The following ASIC2 variants were observed in gnomAD, a reference collection of about 807,000 sequenced individuals.
The protein encoded by ASIC2 is acid-sensing ion channel 2.
Under a neutral mutation model 57.3 loss-of-function variants are expected in ASIC2, and 25 were observed. The ratio of observed to expected loss-of-function variants is 0.44; its 90% CI spans 0.32 to 0.61. ASIC2 has a LOEUF of 0.61. Among genes scored for constraint, ASIC2 ranks in the 20% least tolerant of loss-of-function variants. ASIC2 has a pLI of 0.06. For missense variants in ASIC2, 641 were observed against 738.1 expected, an observed-to-expected ratio of 0.87 and a Z score of 1.52; for synonymous variants, 319 against 307.5, an observed-to-expected ratio of 1.04 and a Z score of -0.39.
chr17:33,295,872 A>T (rs1279733820), upstream of ASIC2, among the ~76,000 whole-genome samples: 1 of 151,920 alleles, frequency 6.6e-6, no homozygotes, highest in Admixed American at 6.6e-5. Flanking sequence ...TTTTTTAGGG[A>T]TGAGGGTCTT....
rs769129574 is a variant in ASIC2, at chr17:34,053,507, T to C, written c.555+102471A>G. ...CTTCCATATGGGCAACATCCCACAG[T>C]ATTAAAGATATTAATAATAGGTGAC... On this transcript the variant is annotated intron_variant, in intron 1 of 9. Transcript: ENST00000359872. Among the ~76,000 whole-genome samples, 26 of 152,322 alleles carry C rather than the reference T, an allele frequency of 1.7e-4. No homozygotes were observed. In the East Asian group the frequency reaches 3.3e-3, roughly 19 times the overall value.
Position 33,738,883 on chromosome 17 carries a change from C to G in ASIC2, c.555+417095G>C, listed in dbSNP as rs549238232. On this transcript the variant is annotated intron_variant, in intron 1 of 9. Coordinates refer to the ASIC2 transcript ENST00000359872. ...TTCCCTAAGGTGAACATCTCCATTTCCTTGATTCATTGCTCCCACCCTAGG... is the reference window on the plus strand; with the variant it reads ...TTCCCTAAGGTGAACATCTCCATTTGCTTGATTCATTGCTCCCACCCTAGG... Among the ~76,000 whole-genome samples the G allele has an allele frequency of 6.6e-5, 10 of 152,320 alleles. No homozygotes were observed. The East Asian group carries it at 1.9e-3, about 29-fold the overall frequency.
At chr17:33,545,521 A>G (rs1915550492) in intron 1 of ASIC2, among the ~76,000 whole-genome samples, 1 of 152,166 alleles carries the variant, frequency 6.6e-6, no homozygotes, top group Non-Finnish European at 1.5e-5. Context: ...TTCCCATAAT[A>G]GACAAGAGAA....
At chr17:33,708,034 T>C (rs1476888390) in intron 1 of ASIC2, among the ~76,000 whole-genome samples, 2 of 152,320 alleles carry the variant, frequency 1.3e-5, no homozygotes, top group African/African-American at 4.8e-5. Flanking sequence ...TATAAGTTCC[T>C]CTGGGTCAAC....
intron 1 of ASIC2, among the ~76,000 whole-genome samples, chr17:33,593,020 G>T (rs1174773560): frequency 6.6e-6 from 1 of 152,150 alleles, no homozygotes. Flanking sequence ...TCCCCAAATT[G>T]AAGTGTATGT....
At chr17:33,587,298 T>C (rs1196750270) in intron 1 of ASIC2, among the ~76,000 whole-genome samples, 1 of 152,196 alleles carries the variant, frequency 6.6e-6, no homozygotes, top group Non-Finnish European at 1.5e-5. Flanking sequence ...TTAATCCATA[T>C]GGGTATTTAG....
chr17:33,548,127 T>C (rs769758329), intron 1 of ASIC2, among the ~76,000 whole-genome samples: 1 of 152,172 alleles, frequency 6.6e-6, no homozygotes, highest in Non-Finnish European at 1.5e-5. Context: ...AATAAGCATA[T>C]GAAAGCTCAA....
chr17:33,626,160 T>C (rs1185955421), intron 1 of ASIC2, among the ~76,000 whole-genome samples: 1 of 152,200 alleles, frequency 6.6e-6, no homozygotes, highest in East Asian at 1.9e-4. Context: ...GGCCTTAAGT[T>C]CTTTGTTAAC....
At chr17:33,087,240 C>T (rs1426190480) in intron 3 of ASIC2, among the ~76,000 whole-genome samples, 1 of 152,168 alleles carries the variant, frequency 6.6e-6, no homozygotes, top group Non-Finnish European at 1.5e-5. Context: ...GAACTTTGCC[C>T]CTGCCATCCT....
intron 1 of ASIC2, among the ~76,000 whole-genome samples, chr17:33,905,506 G>A (rs142602883): frequency 3.9e-5 from 6 of 152,332 alleles, no homozygotes; most frequent in African/African-American, 1.4e-4. Context: ...GGCATGTGCT[G>A]ACATAGATAA....
At chr17:33,425,765 A>T (rs1911197358) in intron 1 of ASIC2, among the ~76,000 whole-genome samples, 1 of 152,140 alleles carries the variant, frequency 6.6e-6, no homozygotes, top group African/African-American at 2.4e-5. Flanking sequence ...GCTATTAGGG[A>T]TGAATCTGGC....
At chr17:33,181,811 C>A (rs1905994554) in intron 1 of ASIC2, among the ~76,000 whole-genome samples, 1 of 152,142 alleles carries the variant, frequency 6.6e-6, no homozygotes, top group South Asian at 2.1e-4. Context: ...GGGGGGCACC[C>A]AATTTGAATC....
At chr17:33,264,584 C>T (rs546572485) in intron 1 of ASIC2, among the ~76,000 whole-genome samples, 87 of 152,292 alleles carry the variant, frequency 5.7e-4, no homozygotes, top group African/African-American at 1.7e-3. Flanking sequence ...AAAGTAAGGG[C>T]GGCAGCTGAA....
intron 1 of ASIC2, among the ~76,000 whole-genome samples, chr17:33,886,483 G>A (rs1293559688): frequency 6.6e-6 from 1 of 152,066 alleles, no homozygotes; most frequent in Non-Finnish European, 1.5e-5. Context: ...ATCTTACACA[G>A]TCTGACATGC....
chr17:33,230,067 T>C (rs1908029956), intron 1 of ASIC2, among the ~76,000 whole-genome samples: 2 of 152,184 alleles, frequency 1.3e-5, no homozygotes, highest in African/African-American at 4.8e-5. Flanking sequence ...CTCCCCTGCA[T>C]CCCAGGTGAG....
At chr17:33,141,335 C>A (rs2092386883) in intron 1 of ASIC2, among the ~76,000 whole-genome samples, 1 of 152,208 alleles carries the variant, frequency 6.6e-6, no homozygotes, top group Admixed American at 6.5e-5. Context: ...AGAAGGCAAC[C>A]AGCTTTCTTT....
chr17:34,022,829 T>C (rs775807576), intron 1 of ASIC2, among the ~76,000 whole-genome samples: 20 of 152,202 alleles, frequency 1.3e-4, no homozygotes, highest in Non-Finnish European at 2.4e-4. Flanking sequence ...TGAATTTGCG[T>C]CCAGGTCCAA....
intron 1 of ASIC2, among the ~76,000 whole-genome samples, chr17:34,115,267 G>A (rs1415856345): frequency 3.3e-5 from 5 of 152,064 alleles, no homozygotes; most frequent in Admixed American, 3.3e-4. Flanking sequence ...TGTTTTGGAT[G>A]GTACAAAAAC....
chr17:33,599,035 A>G (rs1451745069), intron 1 of ASIC2, among the ~76,000 whole-genome samples: 1 of 152,242 alleles, frequency 6.6e-6, no homozygotes, highest in Non-Finnish European at 1.5e-5. Context: ...ACATATGCCC[A>G]TCTTCTCCAC....
Sources: gnomAD v4.1 joint callset for allele counts (sites outside exome capture counted in the v4.1 genomes callset) on GRCh38, gnomAD v4.1.1 for gene constraint, MANE v1.5 for transcripts, NCBI Gene and HGNC (gene_info 2026-07-23, HGNC 2026-07-21) for gene names.